APOOL: variants seen among roughly 807,000 people sequenced by gnomAD.
APOOL encodes the protein apolipoprotein O like, also known as MICOS complex subunit MIC27.
In APOOL, 12 loss-of-function variants were observed where a neutral mutation model predicts 23.1. The ratio of observed to expected loss-of-function variants is 0.52; its 90% CI spans 0.33 to 0.84. APOOL has a LOEUF of 0.84. Ranked by LOEUF, APOOL falls within the 40% of genes least tolerant of loss-of-function variation. The pLI is 0.02. For synonymous variants in APOOL, 77 were observed against 69.9 expected (o/e 1.10, Z -0.51); for missense variants, 212 against 199.6 (o/e 1.06, Z -0.37).
chrX:85,004,829 G>A (rs2042794172), intron 1 of APOOL, among the ~76,000 whole-genome samples: 1 of 110,911 alleles, frequency 9.0e-6, no homozygotes, highest in Non-Finnish European at 1.9e-5. Flanking sequence ...AATTTTATGG[G>A]CATGTCATCA....
At chrX:85,072,580 C>G (rs1430900496) in intron 6 of APOOL, among the ~76,000 whole-genome samples, 3 of 110,540 alleles carry the variant, frequency 2.7e-5, no homozygotes, top group Non-Finnish European at 5.7e-5. Flanking sequence ...CTCCCTACCC[C>G]CAAAAAGGAA....
At chrX:85,032,980 G>T (rs1922096269) in intron 1 of APOOL, among the ~76,000 whole-genome samples, 1 of 112,126 alleles carries the variant, frequency 8.9e-6, no homozygotes, top group African/African-American at 3.2e-5. Context: ...TGTTGTGTTT[G>T]TTATCTAAGT....
intron 6 of APOOL, among the ~76,000 whole-genome samples, chrX:85,070,997 G>A (rs769502706): frequency 2.7e-5 from 3 of 111,364 alleles, no homozygotes; most frequent in South Asian, 3.8e-4. Flanking sequence ...CATTAAAAAC[G>A]GAAATTCTGC....
chrX:85,076,995 T>TTATATATATATATATATATATATATATA (rs752255967), intron 8 of APOOL, among the ~76,000 whole-genome samples: 10 of 82,488 alleles, frequency 1.2e-4, no homozygotes, highest in African/African-American at 5.2e-4. Context: ...TTTGCTAAAC[T>TTATATATATATATATATATATATATATA]TATATATATA....
In APOOL at chrX:85,057,099, C is replaced by CT. The variant is rs1698963133; in HGVS notation, c.394+1177dup. Among the ~76,000 whole-genome samples the CT allele has an allele frequency of 3.6e-5, 4 of 111,730 alleles. No individual in the cohort carries two copies. In the South Asian group the frequency reaches 1.5e-3, roughly 42 times the overall value. On this transcript the variant is annotated intron_variant, in intron 5 of 8. Transcript: ENST00000373173. ...CTTCATATGGATGTGCCACGGTTTA[C>CT]TTTATCACTTAACCTGTTGGACATT...
At chrX:85,077,013 A>ACACG (rs1923864425) in intron 8 of APOOL, among the ~76,000 whole-genome samples, 3 of 98,012 alleles carry the variant, frequency 3.1e-5, no homozygotes, top group African/African-American at 1.2e-4. Context: ...ATATATATAT[A>ACACG]TATACGTATA....
At position 85,067,190 on chromosome X, in the gene APOOL, A is replaced by C; in HGVS notation, c.458A>C (p.Tyr153Ser). 2 of 1,156,463 alleles carry C rather than the reference A, an allele frequency of 1.7e-6. No homozygotes were observed. Among genetic ancestry groups the C allele is most frequent in the Non-Finnish European group, 2.3e-6 (2 of 864,793 alleles). Reference sequence around the variant, plus strand: ...GCCACTTTAGGAGCAACTGTTTGCTACCCAGTTCAGTCCGTAATAATTGCT... The same window carrying C: ...GCCACTTTAGGAGCAACTGTTTGCTCCCCAGTTCAGTCCGTAATAATTGCT... ...GLATLGATVCYPVQSVIIAKV... is the reference protein window; with the variant it reads ...GLATLGATVCSPVQSVIIAKV... Residue 153 changes from tyrosine (Y) to serine (S), a missense_variant, in exon 6 of 9, where the codon TAC becomes TCC. By Grantham distance (144) the Tyr-to-Ser change is moderately radical. Transcript: ENST00000373173.
rs1923489361 is a variant in APOOL, at chrX:85,067,231, T to A, written c.486+13T>A. ...AATAATTGCTAAGGTAAGTTCTTTT[T>A]AAATAATAGCAACATTTCAGTATTT... is the stretch of plus-strand genomic sequence containing the variant. On this transcript the variant is annotated intron_variant, in intron 6 of 8. Coordinates refer to ENST00000373173, the MANE Select transcript of APOOL (RefSeq NM_198450.6). 9.5e-7 allele frequency: 1 copy of A among 1,052,900 alleles called. No homozygotes were observed. Among genetic ancestry groups the A allele is most frequent in the Non-Finnish European group, 1.3e-6 (1 of 777,065 alleles). 86.8% of individuals were successfully genotyped at this position (1,052,900 alleles called of 1,213,427 possible). A position where few individuals can be genotyped will look rare whatever the true frequency, so the allele number is the denominator to read the frequency against.
At chrX:85,021,694 A>AAAAC (rs988707629) in intron 1 of APOOL, among the ~76,000 whole-genome samples, 6 of 112,026 alleles carry the variant, frequency 5.4e-5, no homozygotes, top group East Asian at 5.6e-4. Flanking sequence ...GAAGCTAGGA[A>AAAAC]AAACAAACAA....
chrX:85,084,594 G>A, intron 8 of APOOL, among the ~76,000 whole-genome samples: 1 of 110,241 alleles, frequency 9.1e-6, no homozygotes, highest in South Asian at 3.9e-4. Flanking sequence ...CAGAGCTGAG[G>A]CCTCTAAGCA....
At chrX:85,007,987 C>T (rs778879880) in intron 1 of APOOL, among the ~76,000 whole-genome samples, 2 of 111,410 alleles carry the variant, frequency 1.8e-5, no homozygotes, top group South Asian at 7.6e-4. Flanking sequence ...TAGGAGGTTG[C>T]ACTCAGAGAA....
Position 85,093,095 on chromosome X carries a change from T to C in APOOL, c.*5417T>C. On this transcript the variant is annotated 3_prime_UTR_variant, in exon 9 of 9. Transcript: ENST00000373173. ...AGTATATGTTGGGGTTATGTTCAAA[T>C]GGTGAGATTAATGATTTAATTTATG... 2 of 904,727 alleles carry C rather than the reference T, an allele frequency of 2.2e-6. No homozygotes were observed. Among genetic ancestry groups the C allele is most frequent in the Non-Finnish European group, 3.1e-6 (2 of 652,635 alleles). 74.6% of individuals were successfully genotyped at this position (904,727 alleles called of 1,213,427 possible). A position where few individuals can be genotyped will look rare whatever the true frequency, so the allele number is the denominator to read the frequency against.
intron 6 of APOOL, among the ~76,000 whole-genome samples, chrX:85,072,861 T>C (rs967883565): frequency 8.9e-6 from 1 of 112,215 alleles, no homozygotes; most frequent in Admixed American, 9.5e-5. Context: ...TATTTTAAAA[T>C]TTAATTGAAA....
chrX:85,064,511 G>A (rs1313513683), intron 5 of APOOL, among the ~76,000 whole-genome samples: 1 of 109,604 alleles, frequency 9.1e-6, no homozygotes, highest in African/African-American at 3.3e-5. Flanking sequence ...TTCGATGTGG[G>A]CATTTAGTGC....
At chrX:85,060,617 A>G (rs769020470) in intron 5 of APOOL, among the ~76,000 whole-genome samples, 1 of 111,091 alleles carries the variant, frequency 9.0e-6, no homozygotes, top group Non-Finnish European at 1.9e-5. Flanking sequence ...TTGGATTCCT[A>G]GGTATTTTAT....
At position 85,090,833 on chromosome X, in the gene APOOL, A is replaced by G. The variant is rs1924496525; in HGVS notation, c.*3155A>G. On this transcript the variant is annotated 3_prime_UTR_variant, in exon 9 of 9. Transcript: ENST00000373173. ...AATTTAGATGTTCTGTCTTTTAGAG[A>G]TAGGTATTGCTATGTTGCCCAGGCT... 1 of 111,730 alleles carries G rather than the reference A, an allele frequency of 9.0e-6. No individual in the cohort carries two copies. Among genetic ancestry groups the G allele is most frequent in the South Asian group, 3.8e-4 (1 of 2,663 alleles). 9.2% of individuals were successfully genotyped at this position (111,730 alleles called of 1,213,427 possible).
chrX:85,056,730 C>T (rs1486576470), intron 5 of APOOL, among the ~76,000 whole-genome samples: 4 of 110,883 alleles, frequency 3.6e-5, no homozygotes, highest in African/African-American at 3.3e-5. Context: ...GCAACAAGAG[C>T]GAAACTCCAT....
At chrX:85,076,392 C>T (rs184122198) in intron 8 of APOOL, among the ~76,000 whole-genome samples, 4 of 108,532 alleles carry the variant, frequency 3.7e-5, no homozygotes, top group East Asian at 5.8e-4. Context: ...AGACTTGAAT[C>T]GAAATCCCAG....
At chrX:85,074,507 A>C (rs1923778836) in intron 8 of APOOL, 116 bp downstream of exon 8, 2 of 874,794 alleles carry the variant, frequency 2.3e-6, no homozygotes, top group South Asian at 2.6e-5. Context: ...TGTCTTTCTC[A>C]TATCTGTGGT....
Sources: allele counts gnomAD v4.1 joint callset (sites outside exome capture counted in the v4.1 genomes callset), GRCh38; gene constraint gnomAD v4.1.1; transcripts MANE v1.5; gene names NCBI Gene and HGNC (gene_info 2026-07-23, HGNC 2026-07-21).